WHAMM: variants seen among roughly 807,000 people sequenced by gnomAD.
The protein encoded by WHAMM is WASP homolog associated with actin, golgi membranes and microtubules, also known as WASP homolog-associated protein with actin, membranes and microtubules.
In WHAMM, 67 loss-of-function variants were observed where a neutral mutation model predicts 76.5. The ratio of observed to expected loss-of-function variants is 0.88; its 90% CI spans 0.72 to 1.07. WHAMM has a LOEUF of 1.07. WHAMM is among the 50% of genes least tolerant of loss of function. WHAMM has a pLI of 0.00. For synonymous variants in WHAMM, 419 were observed against 422.1 expected (o/e 0.99, Z 0.09); for missense variants, 1,021 against 1,051.1 (o/e 0.97, Z 0.40).
At chr15:82,823,651 T>C (rs1213217129) in intron 6 of WHAMM, among the ~76,000 whole-genome samples, 3 of 152,128 alleles carry the variant, frequency 2.0e-5, no homozygotes, top group African/African-American at 7.2e-5. Context: ...CTGCAACTTC[T>C]GCCTCCTAGG....
At chr15:82,812,669 C>G (rs1315631342) in intron 1 of WHAMM, among the ~76,000 whole-genome samples, 1 of 152,152 alleles carries the variant, frequency 6.6e-6, no homozygotes, top group Non-Finnish European at 1.5e-5. Context: ...AAACTTTGCA[C>G]TCTGCCTCTC....
At chr15:82,831,495 C>T (rs796233585) in intron 9 of WHAMM, among the ~76,000 whole-genome samples, 3 of 152,160 alleles carry the variant, frequency 2.0e-5, no homozygotes, top group Non-Finnish European at 4.4e-5. Flanking sequence ...GTATTTTAAG[C>T]AGAATACTGG....
In WHAMM at chr15:82,810,326, G is replaced by C; in HGVS notation, c.600G>C (p.Arg200=). ...CGCGGTGGGTCGAGGCGGACGCGCGGCTGCGCCAGGTAAGCGAGGCCCGGT... is the reference window on the plus strand; with the variant it reads ...CGCGGTGGGTCGAGGCGGACGCGCGCCTGCGCCAGGTAAGCGAGGCCCGGT... ...LRARWVEADA[R]LRQVIQGHGK... Residue 200 remains arginine, a synonymous_variant, in exon 1 of 10, where the codon CGG becomes CGC. Transcript: ENST00000286760. The C allele has an allele frequency of 7.6e-7, 1 of 1,311,714 alleles. No homozygotes were observed. The highest frequency in any genetic ancestry group is 9.7e-7 in the Non-Finnish European group (1 of 1,036,230). 81.3% of individuals were successfully genotyped at this position (1,311,714 alleles called of 1,614,324 possible).
chr15:82,809,860 G>T lies in WHAMM; in HGVS notation c.134G>T (p.Cys45Phe). 6.2e-7 allele frequency: 1 copy of T among 1,600,730 alleles called. No homozygotes were observed. The highest frequency in any genetic ancestry group is 1.1e-5 in the South Asian group (1 of 89,878). The change falls in exon 1 of 10, where the codon TGT becomes TTT. Residue 45 changes from cysteine (C) to phenylalanine (F), a missense_variant. Physicochemically the swap from Cys to Phe is radical, Grantham distance 205 (BLOSUM62 -2). This residue lies in a region of WHAMM where 501 missense variants were observed against 524.9 expected (regional missense o/e 0.95). Coordinates refer to ENST00000286760, the MANE Select transcript of WHAMM (RefSeq NM_001080435.3). ...NGAEGKFAVT[C>F]HDRTAQQRRL... is the part of the protein sequence containing the mutation. ...GCGGAGGGCAAGTTCGCTGTGACTT[G>T]TCACGACCGTACCGCGCAGCAGCGG...
intron 6 of WHAMM, among the ~76,000 whole-genome samples, chr15:82,824,957 G>A (rs2050904990): frequency 1.3e-5 from 2 of 152,082 alleles, no homozygotes; most frequent in Non-Finnish European, 2.9e-5. Context: ...AGAAGTTCAA[G>A]ACCAGGGACA....
rs187878628 is a variant in WHAMM, at chr15:82,824,456, G to T, written c.1458+1169G>T. Reference sequence around the variant, plus strand: ...CTGCCTCAGCCCCCTGAGTAGCTGGGATTACAGGCATGTGCCACCACCCCT... The same window carrying T: ...CTGCCTCAGCCCCCTGAGTAGCTGGTATTACAGGCATGTGCCACCACCCCT... On this transcript the variant is annotated intron_variant, in intron 6 of 9. Coordinates refer to ENST00000286760, the MANE Select transcript of WHAMM (RefSeq NM_001080435.3). Among the ~76,000 whole-genome samples the T allele has an allele frequency of 5.4e-3, 828 of 152,276 alleles. 4 individuals carry two copies. Among genetic ancestry groups the T allele is most frequent in the Non-Finnish European group, 8.6e-3 (586 of 68,018 alleles).
At chr15:82,833,181 A>AG (rs763111333) in intron 9 of WHAMM, 48 bp from the exon 10 acceptor site, 1 of 1,560,824 alleles carries the variant, frequency 6.4e-7, no homozygotes, top group East Asian at 2.3e-5. Flanking sequence ...TGTCCTGGGA[A>AG]GGGAAAGTGT....
chr15:82,833,161 A>T, intron 9 of WHAMM, 68 bp from the exon 10 acceptor site: 1 of 1,485,882 alleles, frequency 6.7e-7, no homozygotes, highest in Non-Finnish European at 9.1e-7. Context: ...TCACAATTTC[A>T]TAGCAGTAAT....
intron 2 of WHAMM, among the ~76,000 whole-genome samples, chr15:82,815,688 A>G (rs986416762): frequency 4.6e-5 from 7 of 152,186 alleles, no homozygotes; most frequent in Admixed American, 6.5e-5. Flanking sequence ...AAAGCAGTAA[A>G]TGAGGGTTCC....
rs777814679 is a variant in WHAMM, at chr15:82,813,231, T to G, written c.738T>G (p.Phe246Leu). The G allele has an allele frequency of 1.9e-6, 3 of 1,600,488 alleles. No homozygotes were observed. Among genetic ancestry groups the G allele is most frequent in the East Asian group, 4.5e-5 (2 of 44,520 alleles). The change falls in exon 2 of 10, where the codon TTT (phenylalanine) becomes TTG (leucine). Residue 246 changes from phenylalanine (F) to leucine (L), a missense_variant. This residue lies in a region of WHAMM where 501 missense variants were observed against 524.9 expected (regional missense o/e 0.95). Transcript: ENST00000286760. ...TCTTCCAGTACTTATTGCAGCCATT[T>G]AGGGCTATGCGAGAAGTTGCAACTT... ...TMFFQYLLQP[F>L]RAMREVATLC...
rs933409238 is a variant in WHAMM at position 82,836,060 on chromosome 15, AAG to A, written c.*2525_*2526del. ...GCCAAACACAAGAGGCCTTTGAAAA[AAG>A]GATCCTTTTCAAAAGAACGTTCTCA... On this transcript the variant is annotated 3_prime_UTR_variant, in exon 10 of 10. Transcript: ENST00000286760. 3.9e-5 allele frequency: 6 copies of A among 152,210 alleles called. No individual in the cohort carries two copies. Among genetic ancestry groups the A allele is most frequent in the Non-Finnish European group, 7.3e-5 (5 of 68,030 alleles). The allele number at this position is 152,210 out of a possible 1,614,324, so 9.4% of individuals were successfully genotyped here. A position where few individuals can be genotyped will look rare whatever the true frequency, so the allele number is the denominator to read the frequency against.
chr15:82,823,932 A>T (rs752772749), intron 6 of WHAMM, among the ~76,000 whole-genome samples: 3 of 152,186 alleles, frequency 2.0e-5, no homozygotes, highest in Non-Finnish European at 4.4e-5. Flanking sequence ...ACAATTCTAA[A>T]TATATTTTAC....
chr15:82,827,289 G>T (rs576827858), intron 8 of WHAMM, among the ~76,000 whole-genome samples: 177 of 151,658 alleles, frequency 1.2e-3, no homozygotes, highest in African/African-American at 3.8e-3. Context: ...GTTTTTTTTT[G>T]ATATCTACAA....
intron 2 of WHAMM, among the ~76,000 whole-genome samples, chr15:82,815,111 TTATATA>T (rs147147568): frequency 3.1e-3 from 154 of 49,610 alleles, no homozygotes; most frequent in South Asian, 4.0e-3. Context: ...CTCACAGATT[TTATATA>T]TATATATATA....
At position 82,833,723 on chromosome 15, in the gene WHAMM, T is replaced by C. The variant is rs2051079630; in HGVS notation, c.*187T>C. The C allele has an allele frequency of 1.6e-6, 1 of 638,056 alleles. No homozygotes were observed. Among genetic ancestry groups the C allele is most frequent in the Non-Finnish European group, 2.6e-6 (1 of 382,600 alleles). 39.5% of individuals were successfully genotyped at this position (638,056 alleles called of 1,614,324 possible). Reference sequence around the variant, plus strand: ...TTTCTTTTTTGAGATGGAGTCTCACTCTGTCGCCCAGGCTGGGGTGCAGTG... The same window carrying C: ...TTTCTTTTTTGAGATGGAGTCTCACCCTGTCGCCCAGGCTGGGGTGCAGTG... On this transcript the variant is annotated 3_prime_UTR_variant, in exon 10 of 10. Coordinates refer to ENST00000286760, the MANE Select transcript of WHAMM (RefSeq NM_001080435.3).
intron 8 of WHAMM, among the ~76,000 whole-genome samples, chr15:82,829,049 A>G (rs998090226): frequency 1.3e-5 from 2 of 152,234 alleles, no homozygotes; most frequent in South Asian, 4.1e-4. Flanking sequence ...GGAGAGGGAG[A>G]AAACTAGAAA....
chr15:82,810,654 T>C (rs1318094485), intron 1 of WHAMM: 2 of 985,368 alleles, frequency 2.0e-6, no homozygotes, highest in African/African-American at 3.5e-5. Context: ...CCAGAAATAT[T>C]GCAAGCAAGA....
intron 6 of WHAMM, among the ~76,000 whole-genome samples, chr15:82,826,087 G>T (rs181634846): frequency 5.3e-5 from 8 of 152,300 alleles, no homozygotes; most frequent in Admixed American, 2.6e-4. Context: ...TAATGTTATG[G>T]GGAAATGTGT....
At chr15:82,827,253 G>C (rs1484068110) in intron 8 of WHAMM, among the ~76,000 whole-genome samples, 1 of 152,090 alleles carries the variant, frequency 6.6e-6, no homozygotes, top group Non-Finnish European at 1.5e-5. Flanking sequence ...TAGTGAAAGT[G>C]CCCTGTTAAA....
Sources: allele counts gnomAD v4.1 joint callset (sites outside exome capture counted in the v4.1 genomes callset), GRCh38; gene constraint gnomAD v4.1.1; regional missense constraint gnomAD v4.1.1; transcripts MANE v1.5; gene names NCBI Gene and HGNC (gene_info 2026-07-23, HGNC 2026-07-21).